Variants in ARFIP1 observed in about 807,000 individuals in gnomAD.
ARFIP1 encodes arfaptin-1.
ARFIP1 carries 24 observed loss-of-function variants against 42.5 expected under a neutral mutation model. The ratio of observed to expected loss-of-function variants is 0.57; its 90% CI spans 0.41 to 0.80. ARFIP1 has a LOEUF of 0.80. ARFIP1 is among the 30% of genes least tolerant of loss of function. ARFIP1 has a pLI of 0.00. For missense variants in ARFIP1, 354 were observed against 434.0 expected (o/e 0.82, Z 1.64); for synonymous variants, 141 against 153.7 (o/e 0.92, Z 0.61).
intron 3 of ARFIP1, among the ~76,000 whole-genome samples, chr4:152,866,245 T>G (rs755320002): frequency 1.3e-5 from 2 of 152,252 alleles, no homozygotes; most frequent in Non-Finnish European, 2.9e-5. Context: ...ACAGAAAAAA[T>G]GAAATGTCTC....
chr4:152,895,398 G>A (rs986645771), intron 8 of ARFIP1, among the ~76,000 whole-genome samples: 1 of 151,830 alleles, frequency 6.6e-6, no homozygotes, highest in Non-Finnish European at 1.5e-5. Flanking sequence ...TATTTATTTA[G>A]TTATTTGAGA....
chr4:152,810,435 C>T (rs1315101411), intron 1 of ARFIP1: 1 of 152,140 alleles, frequency 6.6e-6, no homozygotes, highest in African/African-American at 2.4e-5. Context: ...GTTATCTGTG[C>T]TCTTAAAGTT....
intron 2 of ARFIP1, among the ~76,000 whole-genome samples, chr4:152,851,992 A>G (rs1244039756): frequency 6.6e-6 from 1 of 152,218 alleles, no homozygotes; most frequent in Non-Finnish European, 1.5e-5. Flanking sequence ...ACAAAAATGT[A>G]TTTGGAGCTT....
intron 1 of ARFIP1, among the ~76,000 whole-genome samples, chr4:152,797,689 G>A (rs62318858): frequency 0.043 from 6,596 of 151,992 alleles, 177 homozygotes; most frequent in South Asian, 0.11. Flanking sequence ...TAACTATTTA[G>A]TCTTTTTATT....
intron 2 of ARFIP1, 51 bp downstream of exon 2, chr4:152,829,777 A>G: frequency 1.4e-6 from 2 of 1,382,732 alleles, no homozygotes; most frequent in Non-Finnish European, 2.0e-6. Flanking sequence ...TAAGTCTTTA[A>G]ATGTTGAGAT....
intron 8 of ARFIP1, among the ~76,000 whole-genome samples, chr4:152,898,972 A>G (rs1313061665): frequency 6.6e-6 from 1 of 152,206 alleles, no homozygotes; most frequent in Admixed American, 6.5e-5. Flanking sequence ...TGGTTTGACT[A>G]GTTCCTATTG....
intron 1 of ARFIP1, among the ~76,000 whole-genome samples, chr4:152,781,234 C>CTTTTTTTTTTTTTTTTT (rs535397594): frequency 8.4e-6 from 1 of 118,920 alleles, no homozygotes. Flanking sequence ...TTTCTTTTTT[C>CTTTTTTTTTTTTTTTTT]TTTTTTTTTT....
intron 1 of ARFIP1, among the ~76,000 whole-genome samples, chr4:152,827,125 G>C (rs1464005194): frequency 6.6e-6 from 1 of 152,168 alleles, no homozygotes; most frequent in African/African-American, 2.4e-5. Flanking sequence ...TAACAGTACT[G>C]AACTATACAC....
chr4:152,831,699 T>A (rs905624679), intron 2 of ARFIP1, among the ~76,000 whole-genome samples: 1 of 152,262 alleles, frequency 6.6e-6, no homozygotes, highest in Non-Finnish European at 1.5e-5. Context: ...GTACTCTTTT[T>A]CAACTGGCTT....
At chr4:152,867,359 G>A (rs947132502) in intron 3 of ARFIP1, among the ~76,000 whole-genome samples, 28 of 152,304 alleles carry the variant, frequency 1.8e-4, no homozygotes, top group African/African-American at 6.7e-4. Flanking sequence ...AGTCAGGCAT[G>A]GCGGTGCGTG....
At chr4:152,793,812 T>C (rs1731272825) in intron 1 of ARFIP1, among the ~76,000 whole-genome samples, 1 of 152,164 alleles carries the variant, frequency 6.6e-6, no homozygotes, top group African/African-American at 2.4e-5. Context: ...TGCTGTTTTA[T>C]ACAGGCGGTC....
intron 1 of ARFIP1, among the ~76,000 whole-genome samples, chr4:152,802,685 T>C (rs533128216): frequency 2.2e-4 from 34 of 152,334 alleles, no homozygotes; most frequent in African/African-American, 7.9e-4. Context: ...GCAAGTTCTT[T>C]TAGATCCTTT....
intron 1 of ARFIP1, among the ~76,000 whole-genome samples, chr4:152,824,341 T>C (rs1317592053): frequency 6.6e-6 from 1 of 151,612 alleles, no homozygotes; most frequent in Non-Finnish European, 1.5e-5. Flanking sequence ...AAGGTAATTC[T>C]CCATGATCGA....
chr4:152,858,783 C>T (rs1733640073), intron 2 of ARFIP1, among the ~76,000 whole-genome samples: 1 of 152,064 alleles, frequency 6.6e-6, no homozygotes, highest in Non-Finnish European at 1.5e-5. Context: ...CAAATATACA[C>T]ATAATATATC....
At chr4:152,825,228 AAAG>A (rs1730737457) in intron 1 of ARFIP1, among the ~76,000 whole-genome samples, 1 of 152,216 alleles carries the variant, frequency 6.6e-6, no homozygotes, top group Non-Finnish European at 1.5e-5. Context: ...TGGAACCAAA[AAAG>A]AGCCCAAATA....
intron 1 of ARFIP1, among the ~76,000 whole-genome samples, chr4:152,789,753 T>C (rs1443747274): frequency 1.3e-5 from 2 of 152,230 alleles, no homozygotes; most frequent in Non-Finnish European, 2.9e-5. Flanking sequence ...GTTTCAGCTG[T>C]GGCCACTGGG....
In ARFIP1 at chr4:152,882,809, T is replaced by C; in HGVS notation, c.720T>C (p.Ala240=). ...TTGGGGCCATTAATTTTTTCATTGC[T>C]AGTGTGAACACTTTGGTGAATAAAA... ...TLLGAINFFI[A]SVNTLVNKTI... is the part of the protein sequence containing the mutation. Residue 240 remains alanine, a synonymous_variant, in exon 7 of 9, where the codon GCT becomes GCC. Coordinates refer to ENST00000353617, the MANE Select transcript of ARFIP1 (RefSeq NM_001025595.3). 1 of 1,612,448 alleles carries C rather than the reference T, an allele frequency of 6.2e-7. No homozygotes were observed. Among genetic ancestry groups the C allele is most frequent in the East Asian group, 2.2e-5 (1 of 44,850 alleles).
At chr4:152,847,121 G>GTTTTTTTTTTTTTTTTTTTTTT (rs1561139273) in intron 2 of ARFIP1, among the ~76,000 whole-genome samples, 1 of 48,176 alleles carries the variant, frequency 2.1e-5, no homozygotes, top group Non-Finnish European at 4.3e-5. Context: ...TTTTAGGTTT[G>GTTTTTTTTTTTTTTTTTTTTTT]TTCTTTTTTT....
intron 1 of ARFIP1, among the ~76,000 whole-genome samples, chr4:152,781,240 T>TC (rs1166769897): frequency 5.5e-5 from 8 of 145,710 alleles, no homozygotes; most frequent in South Asian, 2.2e-4. Context: ...TTTTCTTTTT[T>TC]TTTTTTTTTT....
Sources: allele counts gnomAD v4.1 joint callset (sites outside exome capture counted in the v4.1 genomes callset), GRCh38; gene constraint gnomAD v4.1.1; transcripts MANE v1.5; gene names NCBI Gene and HGNC (gene_info 2026-07-23, HGNC 2026-07-21).